Variants in MTOR observed in about 807,000 individuals in gnomAD.
MTOR encodes mechanistic target of rapamycin kinase.
In MTOR, 70 loss-of-function variants were observed where a neutral mutation model predicts 319.8. The ratio of observed to expected loss-of-function variants is 0.22; its 90% confidence interval spans 0.18 to 0.27. The LOEUF (loss-of-function observed/expected upper bound fraction) is 0.27. Among genes scored for constraint, MTOR ranks in the 10% least tolerant of loss-of-function variants. The pLI is 1.00. For synonymous variants in MTOR, 1,183 were observed against 1,211.4 expected, an observed-to-expected ratio of 0.98 and a Z score of 0.49; for missense variants, 1,890 against 3,274.4, an observed-to-expected ratio of 0.58 and a Z score of 10.32.
chr1:11,117,368 C>T (rs992499991), intron 49 of MTOR, among the ~76,000 whole-genome samples: 4 of 152,154 alleles, frequency 2.6e-5, no homozygotes, highest in African/African-American at 9.7e-5. Flanking sequence ...ACTATGTTGG[C>T]CAGACTGGTC....
rs774670579 is a variant in MTOR, at chr1:11,112,911, G to T, written c.7307C>A (p.Thr2436Asn). Reference protein sequence around the residue: ...LLNWRLMDTNTKGNKRSRTRT... With the variant: ...LLNWRLMDTNNKGNKRSRTRT... ...CGTTCGGGATCGCTTGTTGCCTTTG[G>T]TATTTGCTAGGGAGAGAAATAAAGA... The change falls in exon 54 of 58, where the codon ACC becomes AAC. Residue 2436 changes from threonine to asparagine, a missense_variant. Coordinates refer to ENST00000361445, the MANE Select transcript of MTOR (RefSeq NM_004958.4). 2 of 1,614,100 alleles carry T rather than the reference G, an allele frequency of 1.2e-6. No homozygotes were observed. The highest frequency in any genetic ancestry group is 1.7e-6 in the Non-Finnish European group (2 of 1,179,998).
intron 28 of MTOR, chr1:11,193,639 T>G: frequency 6.2e-7 from 1 of 1,613,462 alleles, no homozygotes. Context: ...GACGAAAAAG[T>G]GGCCTTGTCT....
At chr1:11,204,530 G>C in intron 26 of MTOR, 31 bp downstream of exon 26, 1 of 1,593,996 alleles carries the variant, frequency 6.3e-7, no homozygotes, top group African/African-American at 1.3e-5. Flanking sequence ...TCTATGTGCT[G>C]ATCTTCTCCA....
rs75051731 is a variant in MTOR at position 11,217,493 on chromosome 1, C to T, written c.3031-1259G>A. Among the ~76,000 whole-genome samples, 945 of 151,738 alleles carry T rather than the reference C, an allele frequency of 6.2e-3. 14 individuals are homozygous for T. Among genetic ancestry groups the T allele is most frequent in the South Asian group, 0.036 (172 of 4,782 alleles). On this transcript the variant is annotated intron_variant, in intron 19 of 57. Transcript: ENST00000361445. ...TGCAAGCTCCCGGGTTCAAGCCTCC[C>T]GGGTTCAAGCCATTCTCCTGCCTCT...
chr1:11,210,462 G>A (rs995066788), intron 24 of MTOR, among the ~76,000 whole-genome samples: 3 of 152,170 alleles, frequency 2.0e-5, no homozygotes, highest in South Asian at 4.1e-4. Flanking sequence ...TAGCCCAAGA[G>A]CTAAGAAGGG....
chr1:11,210,072 T>C (rs927465078), intron 24 of MTOR, among the ~76,000 whole-genome samples: 1 of 152,234 alleles, frequency 6.6e-6, no homozygotes, highest in African/African-American at 2.4e-5. Flanking sequence ...TTCGCCATGT[T>C]GGCCAGGCTG....
rs151027751 is a variant in MTOR, at chr1:11,109,695, G to A, written c.7401C>T (p.Ala2467=). Residue 2467 remains alanine (A), a synonymous_variant, in exon 55 of 58, where the codon GCC becomes GCT. Transcript: ENST00000361445. The surrounding 1 kb of genome is among the most constrained non-coding windows in gnomAD (Gnocchi z 4.0). ...GCACTGTGGTCCCCGTTTTCTTATG[G>A]GCTGGCTCTCCAAGTTCCACACCGT... ...ILDGVELGEP[A]HKKTGTTVPE... is the part of the protein sequence containing the mutation. The A allele has an allele frequency of 1.2e-6, 2 of 1,614,016 alleles. No individual in the cohort carries two copies. Among genetic ancestry groups the A allele is most frequent in the Non-Finnish European group, 1.7e-6 (2 of 1,179,992 alleles).
At chr1:11,110,792 A>G (rs1372055820) in intron 54 of MTOR, among the ~76,000 whole-genome samples, 4 of 152,168 alleles carry the variant, frequency 2.6e-5, no homozygotes, top group Non-Finnish European at 5.9e-5. Context: ...CCTGGGCTCA[A>G]GTGCTCCTCC....
intron 28 of MTOR, chr1:11,189,497 G>A (rs1050943948): frequency 1.4e-6 from 2 of 1,473,074 alleles, no homozygotes; most frequent in Non-Finnish European, 1.8e-6. Context: ...GGTTCAGTCA[G>A]CCTGCTGCAG....
intron 11 of MTOR, 149 bp from the exon 12 acceptor site, chr1:11,238,766 CT>C (rs35144517): frequency 0.043 from 20,457 of 470,708 alleles, 36 homozygotes; most frequent in South Asian, 0.061. Flanking sequence ...CGGAACTCTT[CT>C]TTTTTTTTTT....
chr1:11,250,606 T>C (rs965312595), intron 6 of MTOR, among the ~76,000 whole-genome samples: 6 of 91,996 alleles, frequency 6.5e-5, no homozygotes, highest in Non-Finnish European at 1.7e-4. Flanking sequence ...CTTCTCCAAC[T>C]GTACTAGTTC....
At chr1:11,216,991 G>T (rs1417202707) in intron 19 of MTOR, among the ~76,000 whole-genome samples, 1 of 152,148 alleles carries the variant, frequency 6.6e-6, no homozygotes, top group Non-Finnish European at 1.5e-5. Flanking sequence ...AACTGTAAAT[G>T]TACCTTTTGT....
Position 11,231,402 on chromosome 1 carries a change from G to A in MTOR, c.2547C>T (p.Ala849=), listed in dbSNP as rs981671713. ...VALWTLGQLV[A]STGYVVEPYR... is the part of the protein sequence containing the mutation. ...AGGGCTCTACTACATAGCCAGTGCT[G>A]GCCACCAACTGTCCCAGGGTCCACA... The change falls in exon 17 of 58, where the codon GCC becomes GCT. Residue 849 remains alanine, a synonymous_variant. Coordinates refer to ENST00000361445, the MANE Select transcript of MTOR (RefSeq NM_004958.4). 3.7e-6 allele frequency: 6 copies of A among 1,614,112 alleles called. No homozygotes were observed. Among genetic ancestry groups the A allele is most frequent in the Non-Finnish European group, 5.1e-6 (6 of 1,180,010 alleles).
rs753400341 is a variant in MTOR, at chr1:11,145,066, G to A, written c.4687-21C>T. On this transcript the variant is annotated intron_variant, in intron 32 of 57. Transcript: ENST00000361445. ...ATGCACTAGAAGAGAAACAACCCTT[G>A]GGACTGAGCTCTGGACTTGGGAGCT... is the stretch of plus-strand genomic sequence containing the variant. 5 of 1,611,160 alleles carry A rather than the reference G, an allele frequency of 3.1e-6. No homozygotes were observed. The African/African-American group carries it at 5.3e-5, about 17-fold the overall frequency.
chr1:11,160,377 G>C (rs891453183), intron 29 of MTOR, among the ~76,000 whole-genome samples: 5 of 152,182 alleles, frequency 3.3e-5, no homozygotes, highest in African/African-American at 1.2e-4. Context: ...TGGGATTGTA[G>C]GCGTGAGCCA....
intron 28 of MTOR, among the ~76,000 whole-genome samples, chr1:11,170,784 T>C (rs1644788797): frequency 6.6e-6 from 1 of 151,248 alleles, no homozygotes; most frequent in Non-Finnish European, 1.5e-5. Context: ...CCTCCCAGGT[T>C]TAAGTGATTC....
In MTOR at chr1:11,199,654, C is replaced by T; in HGVS notation, c.3994G>A (p.Asp1332Asn). Residue 1332 changes from aspartate to asparagine, a missense_variant, in exon 27 of 58, where the codon GAT becomes AAT. Around this residue, in one of 15 missense-constraint regions of MTOR, gnomAD observed 49 missense variants for 119.1 expected, o/e 0.41. Coordinates refer to ENST00000361445, the MANE Select transcript of MTOR (RefSeq NM_004958.4). This position sits in a 1 kb window ranked among gnomAD's most constrained non-coding sequence, Gnocchi z 4.5. ...CTTCTGATGAGCTCATCCTGTTGAT[C>T]TTCATTCAGTTCAGACCAGCAGGAC... ...FVSCWSELNE[D>N]QQDELIRSIE... 6.2e-7 allele frequency: 1 copy of T among 1,614,192 alleles called. No homozygotes were observed. The highest frequency in any genetic ancestry group is 1.1e-5 in the South Asian group (1 of 91,084).
intron 25 of MTOR, among the ~76,000 whole-genome samples, chr1:11,206,533 T>C (rs572764764): frequency 1.2e-3 from 181 of 152,342 alleles, no homozygotes; most frequent in Non-Finnish European, 2.2e-3. Flanking sequence ...TGAGTTAATA[T>C]AGTGTTCCAC....
In MTOR at chr1:11,199,468, G is replaced by A. The variant is rs2100744946; in HGVS notation, c.4108-65C>T. The A allele has an allele frequency of 1.9e-6, 3 of 1,613,490 alleles. No homozygotes were observed. In the Admixed American group the frequency reaches 5.0e-5, roughly 27 times the overall value. On this transcript the variant is annotated intron_variant, in intron 27 of 57. Coordinates refer to ENST00000361445, the MANE Select transcript of MTOR (RefSeq NM_004958.4). This position sits in a 1 kb window ranked among gnomAD's most constrained non-coding sequence, Gnocchi z 4.5. ...GATGGGGCACAAACAAGAGAAGGCTGTGTGGATGCTTCTCTCCTCCCACCA... is the reference window on the plus strand; with the variant it reads ...GATGGGGCACAAACAAGAGAAGGCTATGTGGATGCTTCTCTCCTCCCACCA...
Sources: gnomAD v4.1 joint callset for allele counts (sites outside exome capture counted in the v4.1 genomes callset) on GRCh38, gnomAD v4.1.1 for gene constraint, gnomAD v4.1.1 regional missense constraint, Gnocchi (gnomAD v3.1) non-coding constraint, MANE v1.5 for transcripts, NCBI Gene and HGNC (gene_info 2026-07-23, HGNC 2026-07-21) for gene names.